The following TCOF1 variants were observed in gnomAD, a reference collection of about 807,000 sequenced individuals.
TCOF1 encodes treacle ribosome biogenesis factor 1.
In TCOF1, 33 loss-of-function variants were observed where a neutral mutation model predicts 149.0. The ratio of observed to expected loss-of-function variants is 0.22; its 90% CI spans 0.17 to 0.30. The LOEUF is 0.30. Ranked by LOEUF, TCOF1 falls within the 10% of genes least tolerant of loss-of-function variation. TCOF1 has a pLI of 1.00. For synonymous variants in TCOF1, 789 were observed against 738.8 expected, an observed-to-expected ratio of 1.07 and a Z score of -1.10; for missense variants, 1,728 against 1,840.7, an observed-to-expected ratio of 0.94 and a Z score of 1.12.
intron 17 of TCOF1, chr5:150,385,027 T>A (rs1765991508): frequency 1.1e-6 from 1 of 948,466 alleles, no homozygotes; most frequent in African/African-American, 1.8e-5. Context: ...GGCCAGAGTC[T>A]GTGCTGGGGT....
At chr5:150,386,356 A>G (rs1303219779) in intron 17 of TCOF1, among the ~76,000 whole-genome samples, 1 of 151,980 alleles carries the variant, frequency 6.6e-6, no homozygotes, top group Non-Finnish European at 1.5e-5. Flanking sequence ...CCCTCCCTCA[A>G]CTGTAAGCCT....
At chr5:150,391,197 A>C (rs1767361692) in intron 19 of TCOF1, among the ~76,000 whole-genome samples, 1 of 152,226 alleles carries the variant, frequency 6.6e-6, no homozygotes, top group African/African-American at 2.4e-5. Flanking sequence ...GAAGGCTCTC[A>C]GCAAGGGGTC....
Position 150,398,454 on chromosome 5 carries a change from A to G in TCOF1, c.4443+3A>G, listed in dbSNP as rs1769043557. ...CCCAGAAGAAAAAGAAGAAAAAGGT[A>G]GAGAGTTCCTGGGGTGTCTCAGGCC... On this transcript the variant is annotated splice_donor_region_variant and intron_variant, in intron 25 of 26. Coordinates refer to ENST00000643257, the MANE Select transcript of TCOF1 (RefSeq NM_001371623.1). 2 of 1,614,016 alleles carry G rather than the reference A, an allele frequency of 1.2e-6. No homozygotes were observed. Among genetic ancestry groups the G allele is most frequent in the South Asian group, 2.2e-5 (2 of 91,082 alleles).
At chr5:150,398,504 C>T in intron 25 of TCOF1, 53 bp downstream of exon 25, 2 of 1,612,592 alleles carry the variant, frequency 1.2e-6, no homozygotes, top group Non-Finnish European at 1.7e-6. Context: ...AACCCAAGCC[C>T]CCTCCTACAC....
In TCOF1 at chr5:150,374,774, G is replaced by T. The variant is rs1763347380; in HGVS notation, c.1241G>T (p.Ser414Ile). 1 of 1,612,706 alleles carries T rather than the reference G, an allele frequency of 6.2e-7. No homozygotes were observed. Among genetic ancestry groups the T allele is most frequent in the Non-Finnish European group, 8.5e-7 (1 of 1,179,536 alleles). The change falls in exon 9 of 27, where the codon AGC becomes ATC. Residue 414 changes from serine to isoleucine, a missense_variant. Ser to Ile is a moderately radical substitution (Grantham distance 142). Transcript: ENST00000643257. ...GKREEDSQSS[S>I]EESDSEEEAP... ...CGGGAGGAGGACTCGCAGAGCAGCA[G>T]CGAGGAATCGGACAGTGAGGAGGAG...
intron 21 of TCOF1, 188 bp downstream of exon 21, chr5:150,392,364 CTT>C (rs1450839308): frequency 1.0e-5 from 7 of 671,320 alleles, no homozygotes; most frequent in African/African-American, 9.1e-5. Flanking sequence ...AGAGACCTGA[CTT>C]TGCTGTTTGA....
chr5:150,371,258 AC>A (rs751125145), intron 6 of TCOF1, among the ~76,000 whole-genome samples: 5 of 152,076 alleles, frequency 3.3e-5, no homozygotes, highest in Non-Finnish European at 7.4e-5. Flanking sequence ...CCCAGGCCTT[AC>A]CAAGGGCTGC....
intron 5 of TCOF1, 152 bp from the exon 6 acceptor site, chr5:150,369,377 G>A: frequency 1.2e-6 from 1 of 846,526 alleles, no homozygotes. Flanking sequence ...CACCTCAGAA[G>A]GGGGCTTCAC....
chr5:150,369,636 C>T, intron 6 of TCOF1, 34 bp downstream of exon 6: 1 of 1,611,538 alleles, frequency 6.2e-7, no homozygotes, highest in Non-Finnish European at 8.5e-7. Flanking sequence ...GTTGCCCTCT[C>T]CCAGCCTCTA....
At position 150,369,620 on chromosome 5, in the gene TCOF1, C is replaced by T; in HGVS notation, c.639+18C>T. On this transcript the variant is annotated intron_variant, in intron 6 of 26. Transcript: ENST00000643257. ...ACGTGGAGGTAATTGCCACCCATCC[C>T]TAGGAGTTGCCCTCTCCCAGCCTCT... is the stretch of plus-strand genomic sequence containing the variant. 1 of 1,613,858 alleles carries T rather than the reference C, an allele frequency of 6.2e-7. No homozygotes were observed. Among genetic ancestry groups the T allele is most frequent in the Non-Finnish European group, 8.5e-7 (1 of 1,179,922 alleles).
intron 7 of TCOF1, 27 bp downstream of exon 7, chr5:150,372,263 T>A: frequency 6.3e-7 from 1 of 1,582,684 alleles, no homozygotes; most frequent in African/African-American, 1.3e-5. Flanking sequence ...GGCTGCCCCT[T>A]GGAGGACCTG....
chr5:150,378,510 A>C (rs1245527742), intron 14 of TCOF1: 2 of 270,824 alleles, frequency 7.4e-6, no homozygotes, highest in Non-Finnish European at 1.4e-5. Context: ...TATGGCACTC[A>C]ACTTACATCC....
chr5:150,368,597 G>A (rs1761872982), intron 4 of TCOF1, 119 bp from the exon 5 acceptor site: 1 of 1,132,308 alleles, frequency 8.8e-7, no homozygotes. Flanking sequence ...AGATTGAAGG[G>A]GTAGTTTACC....
chr5:150,364,069 G>C (rs1271098237), intron 2 of TCOF1, 44 bp from the exon 3 acceptor site: 2 of 1,613,622 alleles, frequency 1.2e-6, no homozygotes, highest in South Asian at 2.2e-5. Flanking sequence ...TTGTGGAGTT[G>C]TTCTGTCACC....
Position 150,389,987 on chromosome 5 carries a change from A to G in TCOF1, c.3147A>G (p.Ile1049Met), listed in dbSNP as rs757940205. 3 of 1,613,802 alleles carry G rather than the reference A, an allele frequency of 1.9e-6. No homozygotes were observed. The Admixed American group carries it at 5.0e-5, about 27-fold the overall frequency. The stretch of plus-strand genomic sequence containing the variant: ...GCAGCAGCAAGGAGTCCAGTCGGAT[A>G]TCAGATGGCAAGAAACAGGAGGGAC... ...GASSSKESSR[I>M]SDGKKQEGPA... Residue 1049 changes from isoleucine to methionine, a missense_variant, in exon 19 of 27, where the codon ATA becomes ATG. Around this residue, in one of 2 missense-constraint regions of TCOF1, gnomAD observed 1,696 missense variants for 1,765.4 expected, o/e 0.96. Coordinates refer to ENST00000643257, the MANE Select transcript of TCOF1 (RefSeq NM_001371623.1).
At chr5:150,390,126 C>G in intron 19 of TCOF1, 103 bp downstream of exon 19, 4 of 1,518,736 alleles carry the variant, frequency 2.6e-6, no homozygotes. Context: ...TGCTGTCACG[C>G]CCACACTCCA....
chr5:150,384,432 G>A, intron 17 of TCOF1: 1 of 985,450 alleles, frequency 1.0e-6, no homozygotes. Context: ...TTGAGCACAG[G>A]CCATTCACAT....
intron 14 of TCOF1, among the ~76,000 whole-genome samples, chr5:150,376,862 C>T (rs894955560): frequency 6.6e-6 from 1 of 152,246 alleles, no homozygotes; most frequent in African/African-American, 2.4e-5. Flanking sequence ...TTTTCACAAG[C>T]TCTGGAGTTC....
At chr5:150,360,732 C>CTTTT (rs869238792) in intron 1 of TCOF1, among the ~76,000 whole-genome samples, 3 of 127,404 alleles carry the variant, frequency 2.4e-5, no homozygotes, top group South Asian at 2.6e-4. Flanking sequence ...AAAAGACCCT[C>CTTTT]TTTTTTTTTT....
Sources: allele counts gnomAD v4.1 joint callset (sites outside exome capture counted in the v4.1 genomes callset), GRCh38; gene constraint gnomAD v4.1.1; regional missense constraint gnomAD v4.1.1; transcripts MANE v1.5; gene names NCBI Gene and HGNC (gene_info 2026-07-23, HGNC 2026-07-21).